The following ABLIM2 variants were observed in gnomAD, a reference collection of about 807,000 sequenced individuals.
The protein encoded by ABLIM2 is actin-binding LIM protein 2.
ABLIM2 carries 53 observed loss-of-function variants against 97.7 expected under a neutral mutation model. That is an observed-to-expected ratio of 0.54 (90% confidence interval 0.44 to 0.68). The LOEUF (loss-of-function observed/expected upper bound fraction) is 0.68. Ranked by LOEUF, ABLIM2 falls within the 30% of genes least tolerant of loss-of-function variation. The pLI, the probability that ABLIM2 is intolerant of heterozygous loss-of-function variation, is 0.00. For synonymous variants in ABLIM2, 361 were observed against 345.8 expected (o/e 1.04, Z -0.49); for missense variants, 835 against 867.2 (o/e 0.96, Z 0.47).
chr4:7,980,608 A>G (rs1737263071), intron 20 of ABLIM2, among the ~76,000 whole-genome samples: 1 of 151,540 alleles, frequency 6.6e-6, no homozygotes, highest in African/African-American at 2.4e-5. Flanking sequence ...CCAGCTACTC[A>G]GGAGGCTGAG....
chr4:7,989,545 A>G (rs1406350728), intron 17 of ABLIM2: 1 of 406,086 alleles, frequency 2.5e-6, no homozygotes, highest in Non-Finnish European at 3.3e-6. Context: ...CTTTTATACT[A>G]TTAATTTTAT....
chr4:8,117,074 C>A (rs1162339603), intron 1 of ABLIM2, among the ~76,000 whole-genome samples: 1 of 152,198 alleles, frequency 6.6e-6, no homozygotes. Context: ...TCTCCACAGC[C>A]AAAGTCCCAA....
Position 8,033,307 on chromosome 4 carries a change from G to A in ABLIM2, c.1047+2842C>T, listed in dbSNP as rs1782152552. ...AAGAGAACGCCGTTCCCACAGCAGA[G>A]CGGGGAGGCACTCTGTTCACAGGAA... is the stretch of plus-strand genomic sequence containing the variant. On this transcript the variant is annotated intron_variant, in intron 10 of 20. Transcript: ENST00000447017. The surrounding 1 kb of genome is among the most constrained non-coding windows in gnomAD (Gnocchi z 4.5). Among the ~76,000 whole-genome samples the A allele has an allele frequency of 6.6e-6, 1 of 152,212 alleles. No homozygotes were observed. Among genetic ancestry groups the A allele is most frequent in the African/African-American group, 2.4e-5 (1 of 41,458 alleles).
chr4:8,049,407 A>G (rs1016511542), intron 8 of ABLIM2, among the ~76,000 whole-genome samples: 3 of 152,140 alleles, frequency 2.0e-5, no homozygotes, highest in Admixed American at 6.5e-5. Context: ...CAAAAATTAA[A>G]TGCTGGGGCT....
rs1771841999 is a variant in ABLIM2, at chr4:8,019,324, C to T, written c.1423+294G>A. Among the ~76,000 whole-genome samples the T allele has an allele frequency of 6.6e-6, 1 of 152,190 alleles. No individual in the cohort carries two copies. The highest frequency in any genetic ancestry group is 6.5e-5 in the Admixed American group (1 of 15,276). ...TCTCTGGCTGCATAATTGAAGGCGC[C>T]ACCACCAGGCTCTTGGCTATAAACC... On this transcript the variant is annotated intron_variant, in intron 14 of 20. Coordinates refer to ENST00000447017, the MANE Select transcript of ABLIM2 (RefSeq NM_001130083.2). This position sits in a 1 kb window ranked among gnomAD's most constrained non-coding sequence, Gnocchi z 4.3.
intron 1 of ABLIM2, among the ~76,000 whole-genome samples, chr4:8,157,906 C>T (rs1318914823): frequency 6.6e-6 from 1 of 152,284 alleles, no homozygotes; most frequent in Admixed American, 6.5e-5. Flanking sequence ...GGTGCGGGCC[C>T]CAGGAGGCTC....
intron 9 of ABLIM2, among the ~76,000 whole-genome samples, chr4:8,040,676 C>CCACAT (rs900574776): frequency 6.6e-6 from 1 of 152,036 alleles, no homozygotes; most frequent in Non-Finnish European, 1.5e-5. Context: ...GGCTTGCCCA[C>CCACAT]CACATCACAT....
At chr4:8,088,349 C>T (rs1254324879) in intron 3 of ABLIM2, 65 bp from the exon 4 acceptor site, 1 of 1,343,792 alleles carries the variant, frequency 7.4e-7, no homozygotes, top group Non-Finnish European at 1.0e-6. Flanking sequence ...GGAGCCCTGT[C>T]CCAGTGCAGG....
At chr4:8,040,623 A>T (rs1463973498) in intron 9 of ABLIM2, among the ~76,000 whole-genome samples, 1 of 97,936 alleles carries the variant, frequency 1.0e-5, no homozygotes, top group East Asian at 4.1e-4. Flanking sequence ...AAAAAAAAAA[A>T]AGAAAAGAAA....
At position 8,051,168 on chromosome 4, in the gene ABLIM2, C is replaced by T. The variant is rs548131085; in HGVS notation, c.822+3020G>A. Among the ~76,000 whole-genome samples, 70 of 152,368 alleles carry T rather than the reference C, an allele frequency of 4.6e-4. No individual in the cohort carries two copies. The South Asian group carries it at 0.012, about 26-fold the overall frequency. Reference sequence around the variant, plus strand: ...CCGGGAGCTGTCGCCAGCCACCCCCCACCCCGCCCTTGCGGGGACCTGGCT... The same window carrying T: ...CCGGGAGCTGTCGCCAGCCACCCCCTACCCCGCCCTTGCGGGGACCTGGCT... On this transcript the variant is annotated intron_variant, in intron 8 of 20. Coordinates refer to ENST00000447017, the MANE Select transcript of ABLIM2 (RefSeq NM_001130083.2).
At chr4:8,152,553 G>A (rs755805622) in intron 1 of ABLIM2, among the ~76,000 whole-genome samples, 19 of 152,222 alleles carry the variant, frequency 1.2e-4, no homozygotes, top group Non-Finnish European at 2.5e-4. Context: ...GAGCAGCCCT[G>A]GCGATGGAAA....
chr4:7,970,868 C>T lies in ABLIM2; in HGVS notation c.1825-3765G>A, dbSNP rs896148916. Among the ~76,000 whole-genome samples the T allele has an allele frequency of 5.3e-5, 8 of 151,940 alleles. No homozygotes were observed. The highest frequency in any genetic ancestry group is 9.7e-5 in the African/African-American group (4 of 41,382). Reference sequence around the variant, plus strand: ...TCCCGAGCATGTGGGCTGGGCCAGGCCACTCGTATGTGGCCTACAGGGCCC... The same window carrying T: ...TCCCGAGCATGTGGGCTGGGCCAGGTCACTCGTATGTGGCCTACAGGGCCC... On this transcript the variant is annotated intron_variant, in intron 20 of 20. Coordinates refer to ENST00000447017, the MANE Select transcript of ABLIM2 (RefSeq NM_001130083.2). The surrounding 1 kb of genome is among the most constrained non-coding windows in gnomAD (Gnocchi z 5.3).
chr4:8,081,488 C>T (rs907258861), intron 4 of ABLIM2, among the ~76,000 whole-genome samples: 5 of 152,172 alleles, frequency 3.3e-5, no homozygotes, highest in South Asian at 4.1e-4. Flanking sequence ...GCCACCATAC[C>T]GGGGGCTCCA....
At chr4:8,145,745 T>TAC (rs34195989) in intron 1 of ABLIM2, among the ~76,000 whole-genome samples, 12,818 of 138,420 alleles carry the variant, frequency 0.093, 588 homozygotes, top group Middle Eastern at 0.19. Flanking sequence ...TACACACTCA[T>TAC]ACACACACAC....
At chr4:8,007,818 G>T in intron 16 of ABLIM2, 1 of 1,320,210 alleles carries the variant, frequency 7.6e-7, no homozygotes. Context: ...TTGGAAATCT[G>T]TGAGGGGACA....
rs191345122 is a variant in ABLIM2, at chr4:8,149,422, C to T, written c.10+9258G>A. Among the ~76,000 whole-genome samples, 205 of 152,164 alleles carry T rather than the reference C, an allele frequency of 1.3e-3. 1 individual carries two copies. The highest frequency in any genetic ancestry group is 4.8e-3 in the African/African-American group (199 of 41,528). On this transcript the variant is annotated intron_variant, in intron 1 of 20. Transcript: ENST00000447017. This position sits in a 1 kb window ranked among gnomAD's most constrained non-coding sequence, Gnocchi z 6.4. ...GAGGTATTTCAGAGAGGGCAGGTCC[C>T]AGCTCCAGGCTGCAGAGCAGGCAGG...
At chr4:8,134,924 A>G (rs561861269) in intron 1 of ABLIM2, among the ~76,000 whole-genome samples, 18 of 152,368 alleles carry the variant, frequency 1.2e-4, no homozygotes, top group Admixed American at 1.2e-3. Flanking sequence ...CACTAGGTGC[A>G]CACAAGGTGT....
Position 8,013,846 on chromosome 4 carries a change from T to C in ABLIM2, c.1424-4744A>G, listed in dbSNP as rs889658908. ...TCTGCACTCCCTTCAGTAACTGATG[T>C]GCCAACCTGCAGCCTCAGGTGCACG... On this transcript the variant is annotated intron_variant, in intron 14 of 20. Coordinates refer to ENST00000447017, the MANE Select transcript of ABLIM2 (RefSeq NM_001130083.2). Among the ~76,000 whole-genome samples, 6 of 152,332 alleles carry C rather than the reference T, an allele frequency of 3.9e-5. No individual in the cohort carries two copies. The South Asian group carries it at 8.3e-4, about 21-fold the overall frequency.
intron 20 of ABLIM2, among the ~76,000 whole-genome samples, chr4:7,973,365 G>C (rs2149429220): frequency 6.6e-6 from 1 of 151,606 alleles, no homozygotes; most frequent in Admixed American, 6.6e-5. Flanking sequence ...ACCAGGCGTG[G>C]TGGTACATGC....
Sources: allele counts gnomAD v4.1 joint callset (sites outside exome capture counted in the v4.1 genomes callset), GRCh38; gene constraint gnomAD v4.1.1; non-coding constraint Gnocchi (gnomAD v3.1); transcripts MANE v1.5; gene names NCBI Gene and HGNC (gene_info 2026-07-23, HGNC 2026-07-21).